CDC42BPB: variants seen among roughly 807,000 people sequenced by gnomAD.
CDC42BPB encodes the protein serine/threonine-protein kinase MRCK beta.
Under a neutral mutation model 214.9 loss-of-function variants are expected in CDC42BPB, and 37 were observed. That is an observed-to-expected ratio of 0.17 (90% CI 0.13 to 0.23). The LOEUF (loss-of-function observed/expected upper bound fraction) is 0.23, where lower values mean the gene tolerates loss of function less well. Ranked by LOEUF, CDC42BPB falls within the 10% of genes least tolerant of loss-of-function variation. The probability of loss-of-function intolerance (pLI) is 1.00; values close to 1 mark genes in which losing one functional copy is unlikely to be tolerated. For missense variants in CDC42BPB, 1,694 were observed against 2,227.0 expected (o/e 0.76, Z 4.82); for synonymous variants, 931 against 884.0 (o/e 1.05, Z -0.94).
Position 102,940,033 on chromosome 14 carries a change from G to A in CDC42BPB, c.4591+13C>T. 6.2e-7 allele frequency: 1 copy of A among 1,613,946 alleles called. No individual in the cohort carries two copies. Among genetic ancestry groups the A allele is most frequent in the Non-Finnish European group, 8.5e-7 (1 of 1,180,034 alleles). The stretch of plus-strand genomic sequence containing the variant: ...TTCCCTTCCCTCCACTCCCGGTGCA[G>A]AGGAAGGCTCACCCGAGAACTTGCT... On this transcript the variant is annotated intron_variant, in intron 32 of 36. Transcript: ENST00000361246.
chr14:103,016,774 C>G (rs1009058838), intron 1 of CDC42BPB, among the ~76,000 whole-genome samples: 2 of 152,072 alleles, frequency 1.3e-5, no homozygotes, highest in African/African-American at 4.8e-5. Flanking sequence ...GGGATAAACA[C>G]AGCCATATAT....
intron 29 of CDC42BPB, among the ~76,000 whole-genome samples, 164 bp downstream of exon 29, chr14:102,945,498 C>T (rs911627): frequency 0.24 from 36,778 of 152,300 alleles, 5,532 homozygotes; most frequent in Non-Finnish European, 0.33. Context: ...AACTTAGCAC[C>T]GCGTCGCCAT....
chr14:103,056,766 G>A (rs1404821687), intron 1 of CDC42BPB, among the ~76,000 whole-genome samples: 2 of 152,230 alleles, frequency 1.3e-5, no homozygotes, highest in East Asian at 3.9e-4. Flanking sequence ...AGCCTAGGGA[G>A]GGCAAGGAGG....
At chr14:103,020,832 G>A (rs748689966) in intron 1 of CDC42BPB, among the ~76,000 whole-genome samples, 1 of 152,244 alleles carries the variant, frequency 6.6e-6, no homozygotes, top group Non-Finnish European at 1.5e-5. Context: ...CGGAAGATTA[G>A]TACCTATCAC....
At position 102,954,616 on chromosome 14, in the gene CDC42BPB, A is replaced by G. The variant is rs750975756; in HGVS notation, c.2974T>C (p.Ser992Pro). 1 of 1,613,558 alleles carries G rather than the reference A, an allele frequency of 6.2e-7. No homozygotes were observed. Among genetic ancestry groups the G allele is most frequent in the South Asian group, 1.1e-5 (1 of 91,050 alleles). ...EASPSMSVAA[S>P]EQQEDMARPP... is the part of the protein sequence containing the mutation. ...CGCTGTCTCACCTCCTGCTGCTCTG[A>G]TGCAGCCACAGACATCGACGGGGAC... Residue 992 changes from serine to proline, a missense_variant, in exon 22 of 37, where the codon TCA (serine) becomes CCA (proline). Physicochemically the swap from Ser to Pro is moderately conservative, Grantham distance 74 (BLOSUM62 -1). Transcript: ENST00000361246.
At chr14:103,028,718 C>T (rs541894697) in intron 1 of CDC42BPB, among the ~76,000 whole-genome samples, 3 of 152,246 alleles carry the variant, frequency 2.0e-5, no homozygotes, top group Non-Finnish European at 4.4e-5. Context: ...ATTCTGTGCC[C>T]ATGAACTTGG....
chr14:103,053,479 C>T (rs1221369892), intron 1 of CDC42BPB, among the ~76,000 whole-genome samples: 2 of 150,856 alleles, frequency 1.3e-5, no homozygotes, highest in South Asian at 2.1e-4. Flanking sequence ...TGAAATGACT[C>T]GGCCAGGCAC....
chr14:103,015,359 C>T (rs778143730), intron 1 of CDC42BPB, among the ~76,000 whole-genome samples: 33 of 152,190 alleles, frequency 2.2e-4, no homozygotes, highest in Non-Finnish European at 3.4e-4. Flanking sequence ...TGGTGACACG[C>T]GGCTGTAATC....
chr14:103,018,670 G>A (rs1280718880), intron 1 of CDC42BPB, among the ~76,000 whole-genome samples: 1 of 152,216 alleles, frequency 6.6e-6, no homozygotes, highest in Non-Finnish European at 1.5e-5. Context: ...GCAGCAGGTT[G>A]GGGTGAGGAG....
At chr14:103,020,706 G>A (rs1401491836) in intron 1 of CDC42BPB, among the ~76,000 whole-genome samples, 1 of 152,200 alleles carries the variant, frequency 6.6e-6, no homozygotes, top group African/African-American at 2.4e-5. Flanking sequence ...AGGAGTCAGC[G>A]CCTTGGCCCG....
chr14:103,051,154 C>CGGGGGGGGGG (rs1179516926), intron 1 of CDC42BPB, among the ~76,000 whole-genome samples: 4 of 6,834 alleles, frequency 5.9e-4, no homozygotes, highest in Admixed American at 1.8e-3. Context: ...GTATTTGGGG[C>CGGGGGGGGGG]GGGGGGGCGG....
In CDC42BPB at chr14:102,944,723, G is replaced by A; in HGVS notation, c.3812-236C>T. The A allele has an allele frequency of 1.0e-6, 1 of 961,162 alleles. No homozygotes were observed. Among genetic ancestry groups the A allele is most frequent in the Non-Finnish European group, 1.2e-6 (1 of 807,936 alleles). 59.5% of individuals were successfully genotyped at this position (961,162 alleles called of 1,614,324 possible). On this transcript the variant is annotated intron_variant, in intron 29 of 36. Coordinates refer to ENST00000361246, the MANE Select transcript of CDC42BPB (RefSeq NM_006035.4). The surrounding 1 kb of genome is among the most constrained non-coding windows in gnomAD (Gnocchi z 6.6). ...AGCGCGCTCCTGGGGCAGCCTCGGG[G>A]GCTGGTCCAAAGGCTCCTCTGCCTC...
chr14:102,982,483 G>A (rs1894048397), intron 7 of CDC42BPB, among the ~76,000 whole-genome samples: 1 of 152,116 alleles, frequency 6.6e-6, no homozygotes, highest in South Asian at 2.1e-4. Flanking sequence ...GAAGACACAT[G>A]ACTGACTGGG....
chr14:102,935,024 A>G (rs1194912532), intron 36 of CDC42BPB, among the ~76,000 whole-genome samples: 1 of 151,818 alleles, frequency 6.6e-6, no homozygotes, highest in Non-Finnish European at 1.5e-5. Context: ...AAAAAAAAAA[A>G]AAAAAGAAAA....
intron 36 of CDC42BPB, chr14:102,934,072 T>G: frequency 7.8e-7 from 1 of 1,286,378 alleles, no homozygotes; most frequent in Non-Finnish European, 9.9e-7. Flanking sequence ...ATGGTAATTA[T>G]CATTACAAAA....
chr14:103,041,058 G>C (rs1887958629), intron 1 of CDC42BPB, among the ~76,000 whole-genome samples: 1 of 152,180 alleles, frequency 6.6e-6, no homozygotes, highest in Non-Finnish European at 1.5e-5. Context: ...AAGACAGTGT[G>C]GTACTGGCAT....
chr14:102,963,960 G>A (rs1411646615), intron 19 of CDC42BPB, among the ~76,000 whole-genome samples: 6 of 152,082 alleles, frequency 3.9e-5, no homozygotes, highest in Non-Finnish European at 5.9e-5. Flanking sequence ...GTTCATTATC[G>A]TATCCTCGTA....
chr14:103,043,145 G>A (rs1888100833), intron 1 of CDC42BPB, among the ~76,000 whole-genome samples: 1 of 152,160 alleles, frequency 6.6e-6, no homozygotes, highest in African/African-American at 2.4e-5. Context: ...TTGGGAGGCT[G>A]AGGCAGGAGA....
intron 1 of CDC42BPB, among the ~76,000 whole-genome samples, chr14:103,034,931 T>C (rs1887586116): frequency 6.6e-6 from 1 of 152,214 alleles, no homozygotes. Flanking sequence ...AACAAAGTTT[T>C]ATTTATATTA....
Sources: gnomAD v4.1 joint callset for allele counts (sites outside exome capture counted in the v4.1 genomes callset) on GRCh38, gnomAD v4.1.1 for gene constraint, Gnocchi (gnomAD v3.1) non-coding constraint, MANE v1.5 for transcripts, NCBI Gene and HGNC (gene_info 2026-07-23, HGNC 2026-07-21) for gene names.